Variants in PRKAR2A observed in about 807,000 individuals in gnomAD.
PRKAR2A encodes protein kinase cAMP-dependent type II regulatory subunit alpha, also known as cAMP-dependent protein kinase type II-alpha regulatory subunit.
Under a neutral mutation model 51.9 loss-of-function variants are expected in PRKAR2A, and 29 were observed. That is an observed-to-expected ratio of 0.56 (90% CI 0.42 to 0.76). PRKAR2A has a LOEUF of 0.76. Among genes scored for constraint, PRKAR2A ranks in the 30% least tolerant of loss-of-function variants. The pLI is 0.00. For synonymous variants in PRKAR2A, 178 were observed against 186.2 expected (o/e 0.96, Z 0.36); for missense variants, 445 against 512.1 (o/e 0.87, Z 1.26).
intron 1 of PRKAR2A, among the ~76,000 whole-genome samples, chr3:48,813,270 G>A (rs937244981): frequency 1.3e-5 from 2 of 151,820 alleles, no homozygotes; most frequent in African/African-American, 4.8e-5. Flanking sequence ...TGGCAGGATG[G>A]TATGCACGTG....
chr3:48,817,318 T>G (rs946101861), intron 1 of PRKAR2A, among the ~76,000 whole-genome samples: 1 of 124,278 alleles, frequency 8.0e-6, no homozygotes, highest in African/African-American at 3.2e-5. Context: ...ACAGCAAGAC[T>G]ACGTCTCAAT....
At chr3:48,820,956 C>A (rs904866869) in intron 1 of PRKAR2A, among the ~76,000 whole-genome samples, 45 of 152,250 alleles carry the variant, frequency 3.0e-4, no homozygotes, top group African/African-American at 1.1e-3. Flanking sequence ...AGAATAGAAC[C>A]AATAAACTTC....
rs561533503 is a variant in PRKAR2A at position 48,769,393 on chromosome 3, A to G, written c.696+3562T>C. ...AGGATGGTCTCAATCTCCTGACCTC[A>G]TGATCCGCCCGCCTTGGCCTCCCAA... On this transcript the variant is annotated intron_variant, in intron 6 of 10. Transcript: ENST00000265563. Among the ~76,000 whole-genome samples, 838 of 151,644 alleles carry G rather than the reference A, an allele frequency of 5.5e-3. 3 individuals carry two copies. The highest frequency in any genetic ancestry group is 0.031 in the Middle Eastern group (9 of 292).
intron 1 of PRKAR2A, among the ~76,000 whole-genome samples, chr3:48,831,308 C>T (rs1377988382): frequency 2.0e-5 from 3 of 151,302 alleles, no homozygotes; most frequent in Admixed American, 2.0e-4. Context: ...CAGTGCAAGA[C>T]TGTATAACAT....
chr3:48,833,718 A>G (rs139211782), intron 1 of PRKAR2A, among the ~76,000 whole-genome samples: 1 of 149,066 alleles, frequency 6.7e-6, no homozygotes, highest in Non-Finnish European at 1.5e-5. Flanking sequence ...CTCAAAAAAA[A>G]AAAAAAAGAA....
chr3:48,778,722 G>A (rs2082143315), intron 5 of PRKAR2A, among the ~76,000 whole-genome samples: 1 of 150,930 alleles, frequency 6.6e-6, no homozygotes, highest in South Asian at 2.1e-4. Flanking sequence ...GTTTCACCAT[G>A]TTAGCCAGGA....
intron 1 of PRKAR2A, among the ~76,000 whole-genome samples, chr3:48,836,615 A>G (rs1025954213): frequency 1.3e-5 from 2 of 151,654 alleles, no homozygotes; most frequent in African/African-American, 4.8e-5. Flanking sequence ...TATAGCACAA[A>G]CAAGAAAAGA....
In PRKAR2A at chr3:48,756,443, C is replaced by A; in HGVS notation, c.875G>T (p.Gly292Val). Residue 292 changes from glycine (G) to valine (V), a missense_variant and splice_region_variant, in exon 9 of 11, where the codon GGT becomes GTT. Physicochemically the swap from Gly to Val is moderately radical, Grantham distance 109. Coordinates refer to ENST00000265563, the MANE Select transcript of PRKAR2A (RefSeq NM_004157.4). Reference protein sequence around the residue: ...YKDGERIITQGEKADSFYIIE... With the variant: ...YKDGERIITQVEKADSFYIIE... Reference sequence around the variant, plus strand: ...GATGTAAAAGCTATCAGCCTTTTCACCCTGAAAGAAAAGAGAGGTCAGGTC... The same window carrying A: ...GATGTAAAAGCTATCAGCCTTTTCAACCTGAAAGAAAAGAGAGGTCAGGTC... The A allele has an allele frequency of 6.2e-7, 1 of 1,613,200 alleles. No individual in the cohort carries two copies. Among genetic ancestry groups the A allele is most frequent in the African/African-American group, 1.3e-5 (1 of 75,006 alleles).
chr3:48,800,978 C>T (rs1247791850), intron 2 of PRKAR2A, among the ~76,000 whole-genome samples: 4 of 151,444 alleles, frequency 2.6e-5, no homozygotes, highest in South Asian at 2.1e-4. Flanking sequence ...CAGCCAGGCA[C>T]GGCTTTTCTT....
chr3:48,813,147 C>T (rs936487607), intron 1 of PRKAR2A, among the ~76,000 whole-genome samples: 13 of 151,052 alleles, frequency 8.6e-5, no homozygotes, highest in African/African-American at 2.9e-4. Context: ...GGCATAGGGG[C>T]TCACACCTGT....
chr3:48,770,737 G>A (rs973396711), intron 6 of PRKAR2A, among the ~76,000 whole-genome samples: 1 of 152,166 alleles, frequency 6.6e-6, no homozygotes, highest in African/African-American at 2.4e-5. Context: ...AAAGAAGGGT[G>A]GTGAGTAGCA....
intron 2 of PRKAR2A, among the ~76,000 whole-genome samples, chr3:48,795,262 C>A (rs978579005): frequency 2.6e-5 from 4 of 152,022 alleles, no homozygotes; most frequent in African/African-American, 9.7e-5. Flanking sequence ...CGTGAGCCAC[C>A]GCGACTAGCC....
intron 1 of PRKAR2A, among the ~76,000 whole-genome samples, chr3:48,826,712 C>G (rs1479621117): frequency 6.6e-6 from 1 of 151,972 alleles, no homozygotes; most frequent in Non-Finnish European, 1.5e-5. Flanking sequence ...AGTTATGATC[C>G]AAAAGGCTCA....
At position 48,783,053 on chromosome 3, in the gene PRKAR2A, T is replaced by C. The variant is rs1489021856; in HGVS notation, c.475A>G (p.Ile159Val). ...ATGACATGCTCATCAGCTTTGACTA[T>C]CCTTTCAAACATGGCATCGAGAACT... ...SQVLDAMFER[I>V]VKADEHVIDQ... Residue 159 changes from isoleucine (I) to valine (V), a missense_variant, in exon 5 of 11, where the codon ATA becomes GTA. Coordinates refer to ENST00000265563, the MANE Select transcript of PRKAR2A (RefSeq NM_004157.4). The C allele has an allele frequency of 1.9e-6, 3 of 1,613,758 alleles. No homozygotes were observed. Among genetic ancestry groups the C allele is most frequent in the Non-Finnish European group, 1.7e-6 (2 of 1,179,978 alleles).
intron 1 of PRKAR2A, among the ~76,000 whole-genome samples, chr3:48,818,424 G>A (rs537588414): frequency 6.6e-6 from 1 of 152,284 alleles, no homozygotes; most frequent in Admixed American, 6.5e-5. Context: ...ACAGTAATAA[G>A]ATTTCACCAC....
intron 3 of PRKAR2A, among the ~76,000 whole-genome samples, chr3:48,791,796 G>A (rs2082392497): frequency 1.3e-5 from 2 of 148,686 alleles, no homozygotes; most frequent in South Asian, 4.3e-4. Flanking sequence ...CCAGCTACCC[G>A]AGAGGCTGAG....
At chr3:48,819,235 C>T (rs930371046) in intron 1 of PRKAR2A, among the ~76,000 whole-genome samples, 11 of 152,170 alleles carry the variant, frequency 7.2e-5, no homozygotes, top group Non-Finnish European at 1.5e-4. Context: ...AGGCTGGTTT[C>T]GAACTCCTGA....
At chr3:48,800,281 G>A (rs553253255) in intron 2 of PRKAR2A, among the ~76,000 whole-genome samples, 8 of 151,506 alleles carry the variant, frequency 5.3e-5, no homozygotes, top group African/African-American at 1.9e-4. Context: ...TTGGGAGGCC[G>A]AGGCGGGCAG....
chr3:48,794,976 A>T (rs1364938393), intron 2 of PRKAR2A, among the ~76,000 whole-genome samples: 1 of 152,160 alleles, frequency 6.6e-6, no homozygotes, highest in East Asian at 1.9e-4. Context: ...TTCTCTGAGG[A>T]AACTTTTTTT....
Sources: allele counts gnomAD v4.1 joint callset (sites outside exome capture counted in the v4.1 genomes callset), GRCh38; gene constraint gnomAD v4.1.1; transcripts MANE v1.5; gene names NCBI Gene and HGNC (gene_info 2026-07-23, HGNC 2026-07-21).